DRC1: variants seen among roughly 807,000 people sequenced by gnomAD.
The protein encoded by DRC1 is dynein regulatory complex protein 1.
Under a neutral mutation model 98.7 loss-of-function variants are expected in DRC1, and 74 were observed. The observed-to-expected ratio is 0.75, with a 90% CI of 0.62 to 0.91. DRC1 has a LOEUF of 0.91. Among genes scored for constraint, DRC1 ranks in the 40% least tolerant of loss-of-function variants. DRC1 has a pLI of 0.00. For missense variants in DRC1, 875 were observed against 886.0 expected (o/e 0.99, Z 0.16); for synonymous variants, 336 against 334.1 (o/e 1.01, Z -0.06).
At chr2:26,443,610 T>C (rs72852791) in intron 8 of DRC1, among the ~76,000 whole-genome samples, 4,955 of 152,338 alleles carry the variant, frequency 0.033, 197 homozygotes, top group African/African-American at 0.09. Flanking sequence ...TAGTACCTTG[T>C]ATTGAAACGT....
chr2:26,435,459 G>A lies in DRC1; in HGVS notation c.888+3453G>A, dbSNP rs550273583. ...TTTTAGGTTCAGGGTACATGTGCAG[G>A]TTTGTTATATGGGTAAACTGCACGT... On this transcript the variant is annotated intron_variant, in intron 7 of 16. Transcript: ENST00000288710. Among the ~76,000 whole-genome samples the A allele has an allele frequency of 8.5e-5, 13 of 152,292 alleles. No homozygotes were observed. In the South Asian group the frequency reaches 2.1e-3, roughly 24 times the overall value.
chr2:26,403,971 G>A (rs535073413), intron 1 of DRC1, among the ~76,000 whole-genome samples: 14 of 151,070 alleles, frequency 9.3e-5, no homozygotes, highest in Middle Eastern at 3.4e-3. Flanking sequence ...ATGGTGGCGC[G>A]CGCCTGTAAT....
intron 8 of DRC1, 64 bp downstream of exon 8, chr2:26,440,581 T>C: frequency 6.7e-7 from 1 of 1,495,932 alleles, no homozygotes; most frequent in South Asian, 1.5e-5. Flanking sequence ...GATGGATATG[T>C]ACTTTTTTCT....
chr2:26,444,091 A>T, intron 8 of DRC1, 131 bp from the exon 9 acceptor site: 1 of 1,294,018 alleles, frequency 7.7e-7, no homozygotes, highest in East Asian at 2.4e-5. Flanking sequence ...GTTTTGGAAT[A>T]TATGGGAGGG....
At position 26,455,131 on chromosome 2, in the gene DRC1, C is replaced by G; in HGVS notation, c.2064C>G (p.His688Gln). ...DALYTALEKYHLVLTQRAKLL... is the reference protein window; with the variant it reads ...DALYTALEKYQLVLTQRAKLL... ...CTCTAACCGATTTTTCTGTCCAAAG[C>G]CTTGTCCTGACCCAGAGGGCCAAGC... is the stretch of plus-strand genomic sequence containing the variant. The change falls in exon 16 of 17, where the codon CAC (histidine) becomes CAG (glutamine). Residue 688 changes from histidine to glutamine, a missense_variant and splice_region_variant. Coordinates refer to ENST00000288710, the MANE Select transcript of DRC1 (RefSeq NM_145038.5). 3 of 1,614,026 alleles carry G rather than the reference C, an allele frequency of 1.9e-6. No individual in the cohort carries two copies. The highest frequency in any genetic ancestry group is 2.5e-6 in the Non-Finnish European group (3 of 1,179,990).
Position 26,424,419 on chromosome 2 carries a change from G to A in DRC1, c.505G>A (p.Glu169Lys). The change falls in exon 4 of 17, where the codon GAA becomes AAA. Residue 169 changes from glutamate (E) to lysine (K), a missense_variant. Glu to Lys is a moderately conservative substitution (Grantham distance 56). Coordinates refer to ENST00000288710, the MANE Select transcript of DRC1 (RefSeq NM_145038.5). The part of the protein sequence containing the change: ...TQQLHCAGLL[E>K]DKNKLISELQ... ...ACAGCTGCACTGTGCTGGACTCTTA[G>A]AAGATAAGAATAAACTCATCAGCGA... 1 of 1,613,670 alleles carries A rather than the reference G, an allele frequency of 6.2e-7. No homozygotes were observed. The highest frequency in any genetic ancestry group is 8.5e-7 in the Non-Finnish European group (1 of 1,179,972).
At chr2:26,435,397 A>G (rs1373997171) in intron 7 of DRC1, among the ~76,000 whole-genome samples, 1 of 152,244 alleles carries the variant, frequency 6.6e-6, no homozygotes, top group Non-Finnish European at 1.5e-5. Context: ...AAGCACAGAC[A>G]TTTAACAAAA....
chr2:26,438,775 C>T (rs1215164245), intron 7 of DRC1, among the ~76,000 whole-genome samples: 1 of 152,130 alleles, frequency 6.6e-6, no homozygotes, highest in Admixed American at 6.5e-5. Context: ...CTTCCTCTGT[C>T]GATTCCTGGG....
chr2:26,444,074 G>T, intron 8 of DRC1, 148 bp from the exon 9 acceptor site: 1 of 1,116,948 alleles, frequency 9.0e-7, no homozygotes, highest in Non-Finnish European at 1.3e-6. Flanking sequence ...ATCAAAATGG[G>T]ATCTGTGTTT....
At chr2:26,451,674 G>A (rs1014690070) in intron 13 of DRC1, among the ~76,000 whole-genome samples, 1 of 151,722 alleles carries the variant, frequency 6.6e-6, no homozygotes, top group Non-Finnish European at 1.5e-5. Flanking sequence ...CTGGGTGACA[G>A]AGTGTGAGAC....
At chr2:26,451,921 A>G (rs1664016942) in intron 13 of DRC1, among the ~76,000 whole-genome samples, 1 of 152,226 alleles carries the variant, frequency 6.6e-6, no homozygotes, top group Non-Finnish European at 1.5e-5. Context: ...CTCTGAAATC[A>G]ATAAGAAAAA....
Position 26,423,205 on chromosome 2 carries a change from T to C in DRC1, c.357-1066T>C, listed in dbSNP as rs372172259. ...GCCTTGTCCTCTAGCCACAGAGGAATGCTGAAGGTCCCAGGTGGCAGGTTA... is the reference window on the plus strand; with the variant it reads ...GCCTTGTCCTCTAGCCACAGAGGAACGCTGAAGGTCCCAGGTGGCAGGTTA... On this transcript the variant is annotated intron_variant, in intron 3 of 16. Coordinates refer to ENST00000288710, the MANE Select transcript of DRC1 (RefSeq NM_145038.5). Among the ~76,000 whole-genome samples the C allele has an allele frequency of 3.9e-5, 6 of 152,290 alleles. No individual in the cohort carries two copies. In the East Asian group the frequency reaches 7.7e-4, roughly 20 times the overall value.
chr2:26,444,031 G>A (rs1218043723), intron 8 of DRC1, among the ~76,000 whole-genome samples, 191 bp from the exon 9 acceptor site: 1 of 152,134 alleles, frequency 6.6e-6, no homozygotes, highest in African/African-American at 2.4e-5. Flanking sequence ...GTTTTGGACT[G>A]TCCCAAGATC....
chr2:26,448,876 T>C, intron 11 of DRC1, 73 bp downstream of exon 11: 1 of 1,496,732 alleles, frequency 6.7e-7, no homozygotes, highest in Non-Finnish European at 9.3e-7. Context: ...GCTGGGCCAG[T>C]GCTAGCCTGG....
At position 26,442,621 on chromosome 2, in the gene DRC1, T is replaced by C. The variant is rs146734645; in HGVS notation, c.1029-1601T>C. On this transcript the variant is annotated intron_variant, in intron 8 of 16. Coordinates refer to ENST00000288710, the MANE Select transcript of DRC1 (RefSeq NM_145038.5). Reference sequence around the variant, plus strand: ...ATGGTTTTGAATATCCCCTTTTTGTTGATGACTGCCAACCTCATATCCCCA... The same window carrying C: ...ATGGTTTTGAATATCCCCTTTTTGTCGATGACTGCCAACCTCATATCCCCA... 6.4e-3 allele frequency among the ~76,000 whole-genome samples: 969 copies of C among 152,304 alleles called. 6 individuals are homozygous for C. Among genetic ancestry groups the C allele is most frequent in the Non-Finnish European group, 8.7e-3 (595 of 68,030 alleles).
intron 1 of DRC1, among the ~76,000 whole-genome samples, chr2:26,405,890 C>T (rs1220984852): frequency 6.6e-6 from 1 of 151,982 alleles, no homozygotes; most frequent in African/African-American, 2.4e-5. Context: ...GAACTCCTGG[C>T]CTCAGGCAAT....
chr2:26,452,747 G>A (rs74974002), intron 13 of DRC1, among the ~76,000 whole-genome samples: 2,671 of 152,240 alleles, frequency 0.018, 77 homozygotes, highest in African/African-American at 0.059. Flanking sequence ...ACATGAAAAG[G>A]TACCTAAGGT....
chr2:26,452,265 C>CT (rs1207030579), intron 13 of DRC1, among the ~76,000 whole-genome samples: 2 of 151,896 alleles, frequency 1.3e-5, no homozygotes, highest in South Asian at 2.1e-4. Context: ...AATTCTTCTT[C>CT]TTTTTTTTGA....
chr2:26,402,004 G>C lies in DRC1; in HGVS notation c.15G>C (p.Gly5=). The change falls in exon 1 of 17, where the codon GGG becomes GGC. Residue 5 remains glycine, a synonymous_variant. Transcript: ENST00000288710. The stretch of plus-strand genomic sequence containing the variant: ...GGACTCCTGCCATGAATCCGCCGGG[G>C]TCCCTAGAGGCCCTGGACCCGAACG... The part of the protein sequence containing the change: MNPP[G]SLEALDPNVD... The C allele has an allele frequency of 6.2e-7, 1 of 1,608,042 alleles. No individual in the cohort carries two copies. The highest frequency in any genetic ancestry group is 8.5e-7 in the Non-Finnish European group (1 of 1,177,592).
Sources: allele counts gnomAD v4.1 joint callset (sites outside exome capture counted in the v4.1 genomes callset), GRCh38; gene constraint gnomAD v4.1.1; transcripts MANE v1.5; gene names NCBI Gene and HGNC (gene_info 2026-07-23, HGNC 2026-07-21).